Variants in NEIL1 observed in about 807,000 individuals in gnomAD.
NEIL1 encodes endonuclease 8-like 1.
Under a neutral mutation model 44.2 loss-of-function variants are expected in NEIL1, and 31 were observed. The observed-to-expected ratio is 0.70, with a 90% CI of 0.53 to 0.95. The LOEUF is 0.95. NEIL1 is among the 40% of genes least tolerant of loss of function. The pLI, the probability that NEIL1 is intolerant of heterozygous loss-of-function variation, is 0.00. For missense variants in NEIL1, 549 were observed against 515.5 expected (o/e 1.07, Z -0.63); for synonymous variants, 254 against 209.7 (o/e 1.21, Z -1.83).
Position 75,356,433 on chromosome 15 carries a change from A to T in NEIL1, c.*1399A>T. 1 of 1,603,798 alleles carries T rather than the reference A, an allele frequency of 6.2e-7. No homozygotes were observed. Among genetic ancestry groups the T allele is most frequent in the Non-Finnish European group, 8.5e-7 (1 of 1,176,010 alleles). On this transcript the variant is annotated 3_prime_UTR_variant, in exon 10 of 10. Coordinates refer to ENST00000355059, the MANE Select transcript of NEIL1 (RefSeq NM_024608.4). The surrounding 1 kb of genome is among the most constrained non-coding windows in gnomAD (Gnocchi z 5.8). ...GGCTGTAGGCAGCTTGGATAACGCC[A>T]GCATCCTGGAAAGAGCCTGGGGTAC...
chr15:75,347,229 T>G lies in NEIL1; in HGVS notation c.-267T>G, dbSNP rs548316093. 3.3e-5 allele frequency: 5 copies of G among 152,436 alleles called. 1 individual carries two copies. Among genetic ancestry groups the G allele is most frequent in the African/African-American group, 1.2e-4 (5 of 41,472 alleles). The allele number at this position is 152,436 out of a possible 1,614,324, so 9.4% of individuals were successfully genotyped here. A position where few individuals can be genotyped will look rare whatever the true frequency, so the allele number is the denominator to read the frequency against. On this transcript the variant is annotated 5_prime_UTR_variant, in exon 1 of 10. Coordinates refer to ENST00000355059, the MANE Select transcript of NEIL1 (RefSeq NM_024608.4). ...TCTGACTGTTCGTTGGTGCTTAAGA[T>G]CCCCACCGGGTCCCTAGGGCCTGTG...
rs369155215 is a variant in NEIL1, at chr15:75,354,947, G to A, written c.1103-17G>A. 7 of 1,613,794 alleles carry A rather than the reference G, an allele frequency of 4.3e-6. No homozygotes were observed. The East Asian group carries it at 1.3e-4, about 31-fold the overall frequency. ...CCCTGGAGTCTTAGCTGACCATCTT[G>A]CCTGTTCTTCCCCCAGGCCACTGCA... On this transcript the variant is annotated splice_polypyrimidine_tract_variant and intron_variant, in intron 9 of 9. Transcript: ENST00000355059.
Position 75,357,017 on chromosome 15 carries a change from C to A in NEIL1, c.*1983C>A. On this transcript the variant is annotated 3_prime_UTR_variant, in exon 10 of 10. Transcript: ENST00000355059. ...AGCTCTAGAACCACACAACTGAACT[C>A]CAGCTCCCACTGTACGGGGCCCTGG... The A allele has an allele frequency of 1.2e-6, 1 of 802,050 alleles. No homozygotes were observed. The highest frequency in any genetic ancestry group is 2.2e-5 in the Admixed American group (1 of 44,568). The allele number at this position is 802,050 out of a possible 1,614,324, so 49.7% of individuals were successfully genotyped here.
At chr15:75,353,188 T>A (rs2072064530) in intron 5 of NEIL1, 2 of 180,184 alleles carry the variant, frequency 1.1e-5, no homozygotes, top group Non-Finnish European at 1.2e-5. Context: ...AAGCTGCCCA[T>A]GAGACAGGCA....
At chr15:75,350,635 GC>G (rs1032153838) in intron 2 of NEIL1, among the ~76,000 whole-genome samples, 26 of 152,294 alleles carry the variant, frequency 1.7e-4, no homozygotes, top group African/African-American at 6.3e-4. Flanking sequence ...TGTCTCTGGT[GC>G]CTTAGAAGAA....
rs200831415 is a variant in NEIL1 at position 75,356,340 on chromosome 15, G to C, written c.*1306G>C. The C allele has an allele frequency of 6.2e-7, 1 of 1,612,394 alleles. No homozygotes were observed. The highest frequency in any genetic ancestry group is 2.2e-5 in the East Asian group (1 of 44,804). On this transcript the variant is annotated 3_prime_UTR_variant, in exon 10 of 10. Transcript: ENST00000355059. This position sits in a 1 kb window ranked among gnomAD's most constrained non-coding sequence, Gnocchi z 5.8. ...CCAATACGACCGCGGGTGAAGACACGGAAAACGCACTCCAGGAGGTGGCGG... is the reference window on the plus strand; with the variant it reads ...CCAATACGACCGCGGGTGAAGACACCGAAAACGCACTCCAGGAGGTGGCGG...
intron 2 of NEIL1, 156 bp downstream of exon 2, chr15:75,349,495 C>T: frequency 1.4e-6 from 1 of 733,114 alleles, no homozygotes; most frequent in Non-Finnish European, 2.2e-6. Flanking sequence ...GGGTCAGCTC[C>T]CTGAGCCAGT....
In NEIL1 at chr15:75,356,778, G is replaced by A. The variant is rs2072323495; in HGVS notation, c.*1744G>A. On this transcript the variant is annotated 3_prime_UTR_variant, in exon 10 of 10. Transcript: ENST00000355059. This position sits in a 1 kb window ranked among gnomAD's most constrained non-coding sequence, Gnocchi z 5.8. ...CTCCATGCCAGCTCCCAGGCCTGGT[G>A]GGTACCCCACTTACAGCGAGAGGCT... 6.2e-7 allele frequency: 1 copy of A among 1,613,832 alleles called. No homozygotes were observed.
intron 5 of NEIL1, chr15:75,353,444 T>C (rs1414733396): frequency 1.2e-5 from 5 of 405,804 alleles, no homozygotes; most frequent in East Asian, 6.0e-5. Flanking sequence ...CAGGCTGGTA[T>C]TGAACTCCTG....
At chr15:75,352,533 C>T in intron 4 of NEIL1, 69 bp from the exon 5 acceptor site, 1 of 1,556,928 alleles carries the variant, frequency 6.4e-7, no homozygotes, top group Non-Finnish European at 8.8e-7. Flanking sequence ...TGACCAAGCT[C>T]AGAGAGAAGG....
At chr15:75,353,527 G>A in intron 5 of NEIL1, 2 of 693,814 alleles carry the variant, frequency 2.9e-6, no homozygotes, top group Non-Finnish European at 2.8e-6. Context: ...ACAGGGCCAG[G>A]ACAAGGATTC....
rs146268429 is a variant in NEIL1 at position 75,349,226 on chromosome 15, C to A, written c.321C>A (p.Gly107=). Residue 107 remains glycine, a synonymous_variant, in exon 2 of 10, where the codon GGC becomes GGA. Transcript: ENST00000355059. ...AHLRFYTAPP[G]PRLALCFVDI... ...TGCGCTTTTACACGGCCCCGCCTGG[C>A]CCCCGGCTCGCCCTATGTTTCGTGG... 9.3e-6 allele frequency: 15 copies of A among 1,609,868 alleles called. No homozygotes were observed. The highest frequency in any genetic ancestry group is 1.3e-5 in the Non-Finnish European group (15 of 1,179,836).
chr15:75,352,640 G>A lies in NEIL1; in HGVS notation c.657G>A (p.Lys219=), dbSNP rs148496035. ...ELTLSQKIRT[K]LQNPDLLELC... The stretch of plus-strand genomic sequence containing the variant: ...CCCTGAGCCAGAAGATAAGGACCAA[G>A]CTGCAGAATCCAGACCTGCTGGAGC... Residue 219 remains lysine (K), a synonymous_variant, in exon 5 of 10, where the codon AAG becomes AAA. Transcript: ENST00000355059. 183 of 1,613,406 alleles carry A rather than the reference G, an allele frequency of 1.1e-4. No homozygotes were observed. The highest frequency in any genetic ancestry group is 1.5e-4 in the Non-Finnish European group (172 of 1,179,734).
At chr15:75,352,422 C>T (rs1403907899) in intron 4 of NEIL1, 35 bp downstream of exon 4, 1 of 1,610,302 alleles carries the variant, frequency 6.2e-7, no homozygotes, top group East Asian at 2.2e-5. Context: ...CACGTGCTGG[C>T]ACACTGGTGT....
intron 1 of NEIL1, chr15:75,348,102 G>A: frequency 2.2e-6 from 2 of 893,702 alleles, no homozygotes; most frequent in Non-Finnish European, 2.8e-6. Context: ...CCCGGGGCAG[G>A]AGCTCGGGGA....
In NEIL1 at chr15:75,355,880, A is replaced by T; in HGVS notation, c.*846A>T. 6.2e-7 allele frequency: 1 copy of T among 1,613,196 alleles called. No individual in the cohort carries two copies. The highest frequency in any genetic ancestry group is 1.1e-5 in the South Asian group (1 of 90,994). On this transcript the variant is annotated 3_prime_UTR_variant, in exon 10 of 10. Coordinates refer to ENST00000355059, the MANE Select transcript of NEIL1 (RefSeq NM_024608.4). ...AAATTAGGAGTCCCCAGAGCCTTCT[A>T]CAAACAAAACCCCAGCCCCAGGGAC... is the stretch of plus-strand genomic sequence containing the variant.
At chr15:75,357,114 CATCGAATGATCATGAGT>C in exon 10 of NEIL1, 1 of 574,808 alleles carries the variant, frequency 1.7e-6, no homozygotes, top group Non-Finnish European at 3.1e-6. Context: ...GTACTCACCC[CATCGAATGATCATGAGT>C]ATCAAATTAA....
chr15:75,354,303 TAA>T, intron 7 of NEIL1, 26 bp downstream of exon 7: 1 of 1,613,944 alleles, frequency 6.2e-7, no homozygotes, highest in Non-Finnish European at 8.5e-7. Flanking sequence ...TGTAATAGGC[TAA>T]GAGAGCAGAA....
rs2071526313 is a variant in NEIL1, at chr15:75,347,367, T to A, written c.-129T>A. The A allele has an allele frequency of 6.6e-6, 1 of 152,248 alleles. No homozygotes were observed. The highest frequency in any genetic ancestry group is 1.5e-5 in the Non-Finnish European group (1 of 68,064). 9.4% of individuals were successfully genotyped at this position (152,248 alleles called of 1,614,324 possible). A position where few individuals can be genotyped will look rare whatever the true frequency, so the allele number is the denominator to read the frequency against. ...CCCTGTCCCACGCTAGCTGGGTGAC[T>A]TCCCCCAACCGCAGAGACAGCGGCG... is the stretch of plus-strand genomic sequence containing the variant. On this transcript the variant is annotated 5_prime_UTR_variant, in exon 1 of 10. Transcript: ENST00000355059.
Sources: allele counts gnomAD v4.1 joint callset (sites outside exome capture counted in the v4.1 genomes callset), GRCh38; gene constraint gnomAD v4.1.1; non-coding constraint Gnocchi (gnomAD v3.1); transcripts MANE v1.5; gene names NCBI Gene and HGNC (gene_info 2026-07-23, HGNC 2026-07-21).